CDKN2B-AS1: variants seen among roughly 807,000 people sequenced by gnomAD.
The protein encoded by CDKN2B-AS1 is CDKN2B antisense RNA 1 (non-protein coding).
intron 1 of CDKN2B-AS1, among the ~76,000 whole-genome samples, chr9:22,043,300 A>AT (rs1294260032): frequency 6.6e-6 from 1 of 151,916 alleles, no homozygotes; most frequent in African/African-American, 2.4e-5. Flanking sequence ...ATATTCATAG[A>AT]TTTTTTTCTA....
intron 4 of CDKN2B-AS1, among the ~76,000 whole-genome samples, chr9:22,082,458 C>T (rs1025869958): frequency 2.0e-5 from 3 of 152,186 alleles, no homozygotes; most frequent in Non-Finnish European, 4.4e-5. Flanking sequence ...CTCAAGATCA[C>T]ACATGTGGAA....
intron 4 of CDKN2B-AS1, among the ~76,000 whole-genome samples, chr9:22,071,456 G>A (rs1293134444): frequency 6.6e-6 from 1 of 151,742 alleles, no homozygotes; most frequent in African/African-American, 2.4e-5. Context: ...CTATATATTT[G>A]ATAGAGTGAT....
chr9:22,086,789 A>C (rs993742334), intron 4 of CDKN2B-AS1, among the ~76,000 whole-genome samples: 14 of 152,148 alleles, frequency 9.2e-5, no homozygotes, highest in African/African-American at 3.4e-4. Context: ...TTTTATCTGG[A>C]ATCTTAATAA....
chr9:22,016,362 G>C (rs1821758839), intron 1 of CDKN2B-AS1, among the ~76,000 whole-genome samples: 1 of 152,142 alleles, frequency 6.6e-6, no homozygotes. Context: ...CGTGAAAATG[G>C]CCATACTGCC....
chr9:22,064,000 C>G lies in CDKN2B-AS1; in HGVS notation n.438+7613C>G, dbSNP rs77467777. 8.2e-3 allele frequency: 1,253 copies of G among 152,256 alleles called. 84 individuals carry two copies. In the East Asian group the frequency reaches 0.17, roughly 21 times the overall value. The allele number at this position is 152,256 out of a possible 1,614,324, so 9.4% of individuals were successfully genotyped here. On this transcript the variant is annotated intron_variant and non_coding_transcript_variant, in intron 4 of 4. Coordinates refer to ENST00000650946, the Ensembl canonical transcript of CDKN2B-AS1. ...CACTGGTGACGTTGCCTGTGGCCAC[C>G]TTGGAGAAGACACTGGAGGTACACA...
intron 1 of CDKN2B-AS1, among the ~76,000 whole-genome samples, chr9:22,034,829 C>G (rs1276409680): frequency 6.6e-6 from 1 of 152,078 alleles, no homozygotes; most frequent in Non-Finnish European, 1.5e-5. Context: ...TCCAATAAGA[C>G]TTTTAAAAAT....
At chr9:22,093,029 G>A (rs1359165200) in intron 4 of CDKN2B-AS1, among the ~76,000 whole-genome samples, 1 of 152,110 alleles carries the variant, frequency 6.6e-6, no homozygotes, top group African/African-American at 2.4e-5. Flanking sequence ...TTGTGTCTTT[G>A]TTGTCTTTGG....
At chr9:22,036,140 G>A (rs554244145) in intron 1 of CDKN2B-AS1, among the ~76,000 whole-genome samples, 2 of 152,150 alleles carry the variant, frequency 1.3e-5, no homozygotes, top group South Asian at 4.1e-4. Context: ...GCTGATACAG[G>A]GCAGGGAATC....
intron 4 of CDKN2B-AS1, chr9:22,120,603 A>C (rs1467236107): frequency 6.6e-6 from 1 of 152,174 alleles, no homozygotes; most frequent in African/African-American, 2.4e-5. Flanking sequence ...CTCTCTACTA[A>C]TGGTTTTTTT....
At chr9:22,033,844 G>A (rs1004980242) in intron 1 of CDKN2B-AS1, among the ~76,000 whole-genome samples, 1 of 152,122 alleles carries the variant, frequency 6.6e-6, no homozygotes, top group Non-Finnish European at 1.5e-5. Context: ...TGCTTTGTTG[G>A]CACTGAATGT....
chr9:22,074,953 G>A (rs971711166), intron 4 of CDKN2B-AS1, among the ~76,000 whole-genome samples: 13 of 152,208 alleles, frequency 8.5e-5, no homozygotes, highest in African/African-American at 3.1e-4. Context: ...ATTGGTGGTG[G>A]AAGAGAGAAT....
At chr9:22,094,347 G>A (rs1270294855) in intron 4 of CDKN2B-AS1, among the ~76,000 whole-genome samples, 1 of 143,818 alleles carries the variant, frequency 7.0e-6, no homozygotes, top group Admixed American at 6.7e-5. Context: ...TGTATTTCCT[G>A]AATTTGAATG....
intron 3 of CDKN2B-AS1, among the ~76,000 whole-genome samples, chr9:22,049,597 A>G (rs1187583918): frequency 6.6e-6 from 1 of 152,160 alleles, no homozygotes; most frequent in African/African-American, 2.4e-5. Context: ...TTTAACAGCA[A>G]AAGGAAATGC....
intron 4 of CDKN2B-AS1, among the ~76,000 whole-genome samples, chr9:22,060,907 G>T (rs1823790113): frequency 1.3e-5 from 2 of 152,104 alleles, no homozygotes; most frequent in East Asian, 1.9e-4. Flanking sequence ...AGAAAGATCG[G>T]CCCTCGGGAT....
rs1478663478 is a variant in CDKN2B-AS1, at chr9:21,999,371, C to T, written n.29+4210C>T. Among the ~76,000 whole-genome samples the T allele has an allele frequency of 6.6e-6, 1 of 151,426 alleles. No individual in the cohort carries two copies. Among genetic ancestry groups the T allele is most frequent in the Non-Finnish European group, 1.5e-5 (1 of 67,840 alleles). On this transcript the variant is annotated intron_variant and non_coding_transcript_variant, in intron 1 of 4. Coordinates refer to ENST00000650946, the Ensembl canonical transcript of CDKN2B-AS1. The surrounding 1 kb of genome is among the most constrained non-coding windows in gnomAD (Gnocchi z 4.7). ...GTATATATCTATATACTTATATACACCCTTTGACTCAGCAATTCTATTCCT... is the reference window on the plus strand; with the variant it reads ...GTATATATCTATATACTTATATACATCCTTTGACTCAGCAATTCTATTCCT...
intron 4 of CDKN2B-AS1, among the ~76,000 whole-genome samples, chr9:22,100,200 G>C (rs1825436590): frequency 6.6e-6 from 1 of 152,036 alleles, no homozygotes; most frequent in Admixed American, 6.6e-5. Context: ...CATTTTAAGT[G>C]CATGAATTCA....
intron 4 of CDKN2B-AS1, among the ~76,000 whole-genome samples, chr9:22,115,079 G>T (rs10965234): frequency 0.15 from 22,122 of 152,036 alleles, 4,760 homozygotes; most frequent in African/African-American, 0.47. Context: ...AGCACCAAAT[G>T]GTAATTATAG....
intron 4 of CDKN2B-AS1, among the ~76,000 whole-genome samples, chr9:22,094,980 A>T (rs1162131038): frequency 2.1e-5 from 3 of 144,230 alleles, no homozygotes; most frequent in South Asian, 2.1e-4. Flanking sequence ...TGACGTACAG[A>T]TGGGGTTTTG....
intron 4 of CDKN2B-AS1, chr9:22,096,607 A>G (rs1308834733): frequency 1.3e-5 from 2 of 152,242 alleles, no homozygotes; most frequent in African/African-American, 4.8e-5. Context: ...TCTGGTTAAA[A>G]TACAAGATAT....
Sources: allele counts gnomAD v4.1 joint callset (sites outside exome capture counted in the v4.1 genomes callset), GRCh38; gene constraint gnomAD v4.1.1; non-coding constraint Gnocchi (gnomAD v3.1); transcripts MANE v1.5; gene names NCBI Gene and HGNC (gene_info 2026-07-23, HGNC 2026-07-21).